The following FRMPD2 variants were observed in gnomAD, a reference collection of about 807,000 sequenced individuals.
FRMPD2 encodes FERM and PDZ domain containing 2.
In FRMPD2, 96 loss-of-function variants were observed where a neutral mutation model predicts 140.1. The ratio of observed to expected loss-of-function variants is 0.69; its 90% CI spans 0.58 to 0.81. FRMPD2 has a LOEUF of 0.81. Among genes scored for constraint, FRMPD2 ranks in the 40% least tolerant of loss-of-function variants. The pLI, the probability that FRMPD2 is intolerant of heterozygous loss-of-function variation, is 0.00. For missense variants in FRMPD2, 1,240 were observed against 1,447.4 expected, an observed-to-expected ratio of 0.86 and a Z score of 2.32; for synonymous variants, 449 against 547.6, an observed-to-expected ratio of 0.82 and a Z score of 2.52.
At chr10:48,231,084 G>C (rs866400687) in intron 10 of FRMPD2, among the ~76,000 whole-genome samples, 3 of 152,186 alleles carry the variant, frequency 2.0e-5, no homozygotes, top group Non-Finnish European at 4.4e-5. Context: ...TTCAACGTGA[G>C]AGTAGAACAA....
At chr10:48,232,049 A>G in intron 10 of FRMPD2, 66 bp downstream of exon 10, 1 of 1,431,472 alleles carries the variant, frequency 7.0e-7, no homozygotes, top group Non-Finnish European at 9.9e-7. Flanking sequence ...AACAGAGCTC[A>G]GGTACCCAGA....
chr10:48,220,092 T>C (rs1215585245), intron 12 of FRMPD2, among the ~76,000 whole-genome samples: 3 of 152,192 alleles, frequency 2.0e-5, no homozygotes, highest in African/African-American at 4.8e-5. Flanking sequence ...GCCAGGTACA[T>C]AGTGATCTTT....
intron 1 of FRMPD2, among the ~76,000 whole-genome samples, chr10:48,260,243 T>C (rs1840561592): frequency 6.6e-6 from 1 of 152,026 alleles, no homozygotes; most frequent in Non-Finnish European, 1.5e-5. Flanking sequence ...ATAGATATCT[T>C]ATATATTATA....
intron 13 of FRMPD2, among the ~76,000 whole-genome samples, chr10:48,210,097 A>G (rs995583390): frequency 6.6e-6 from 1 of 152,228 alleles, no homozygotes; most frequent in Non-Finnish European, 1.5e-5. Context: ...CGGCAGAATT[A>G]TGAGGAAATG....
rs185971085 is a variant in FRMPD2 at position 48,223,998 on chromosome 10, C to T, written c.1169-728G>A. On this transcript the variant is annotated intron_variant, in intron 10 of 28. Coordinates refer to ENST00000374201, the MANE Select transcript of FRMPD2 (RefSeq NM_001018071.4). The stretch of plus-strand genomic sequence containing the variant: ...TGAGAAAGAAGGGTCTATTTTTGAG[C>T]CATCCCCTCTGTGGTATTTTGTTAG... 3.4e-4 allele frequency among the ~76,000 whole-genome samples: 52 copies of T among 152,340 alleles called. 1 individual carries two copies. In the East Asian group the frequency reaches 8.1e-3, roughly 24 times the overall value.
chr10:48,258,288 GC>G (rs1840523257), intron 1 of FRMPD2, among the ~76,000 whole-genome samples: 1 of 152,224 alleles, frequency 6.6e-6, no homozygotes, highest in Non-Finnish European at 1.5e-5. Flanking sequence ...AGGTGTCAAG[GC>G]TCTTATCTTC....
In FRMPD2 at chr10:48,184,226, C is replaced by A. The variant is rs117038308; in HGVS notation, c.2584+340G>T. On this transcript the variant is annotated intron_variant, in intron 20 of 28. Coordinates refer to ENST00000374201, the MANE Select transcript of FRMPD2 (RefSeq NM_001018071.4). ...ATACAAAATATAGAAATCCTGGAGC[C>A]GACCCTATCAACAAGGACTTTGGGT... 2.0e-5 allele frequency among the ~76,000 whole-genome samples: 3 copies of A among 151,076 alleles called. No individual in the cohort carries two copies. The East Asian group carries it at 5.8e-4, about 29-fold the overall frequency.
Position 48,249,041 on chromosome 10 carries a change from C to A in FRMPD2, c.289G>T (p.Glu97Ter). 6.2e-7 allele frequency: 1 copy of A among 1,611,962 alleles called. No individual in the cohort carries two copies. Among genetic ancestry groups the A allele is most frequent in the South Asian group, 1.1e-5 (1 of 90,834 alleles). The stretch of plus-strand genomic sequence containing the variant: ...CTTACCTGAGATGCATCAGGCTGCT[C>A]ATCCTCACTCTGTCCCTGTAGCAGT... ...PELLQGQSED[E>*]QPDASQMHVY... is the part of the protein sequence containing the mutation. Residue 97 changes from glutamate (E) to a stop codon, truncating the protein, a stop_gained, in exon 3 of 29, where the codon GAG becomes TAG. Coordinates refer to ENST00000374201, the MANE Select transcript of FRMPD2 (RefSeq NM_001018071.4). LOFTEE classifies it high-confidence loss of function.
chr10:48,240,558 G>A, intron 5 of FRMPD2, 66 bp from the exon 6 acceptor site: 2 of 1,592,692 alleles, frequency 1.3e-6, no homozygotes, highest in Non-Finnish European at 8.6e-7. Flanking sequence ...ATAGATACAT[G>A]CAAACTGGCT....
Position 48,201,256 on chromosome 10 carries a change from G to C in FRMPD2, c.1926C>G (p.Gly642=), listed in dbSNP as rs1263854618. ...SAQHGFNAQM[G]SGQPSHVLFD... ...ATAAAACATGGGAAGGCTGCCCAGAGCCCATCTGTGCATTAAACCCATGCT... is the reference window on the plus strand; with the variant it reads ...ATAAAACATGGGAAGGCTGCCCAGACCCCATCTGTGCATTAAACCCATGCT... The change falls in exon 15 of 29, where the codon GGC becomes GGG. Residue 642 remains glycine (G), a synonymous_variant. Transcript: ENST00000374201. The C allele has an allele frequency of 2.5e-6, 4 of 1,612,104 alleles. No individual in the cohort carries two copies. The Admixed American group carries it at 6.7e-5, about 27-fold the overall frequency.
intron 3 of FRMPD2, among the ~76,000 whole-genome samples, chr10:48,247,265 C>T (rs745796465): frequency 2.0e-4 from 30 of 152,200 alleles, no homozygotes; most frequent in Non-Finnish European, 3.4e-4. Context: ...AACCTGCAAT[C>T]AGGAGGGTGA....
At chr10:48,244,311 A>C (rs1411634275) in intron 4 of FRMPD2, among the ~76,000 whole-genome samples, 6 of 152,234 alleles carry the variant, frequency 3.9e-5, no homozygotes, top group African/African-American at 1.4e-4. Context: ...TCTAAGCTTT[A>C]AGCCTTCTTG....
intron 3 of FRMPD2, among the ~76,000 whole-genome samples, chr10:48,245,553 A>G (rs1840227549): frequency 6.6e-6 from 1 of 152,202 alleles, no homozygotes; most frequent in South Asian, 2.1e-4. Flanking sequence ...AGTCAAAAGT[A>G]CCCGAAGGTG....
At chr10:48,186,012 G>A (rs1838676640) in intron 17 of FRMPD2, among the ~76,000 whole-genome samples, 1 of 152,232 alleles carries the variant, frequency 6.6e-6, no homozygotes, top group Non-Finnish European at 1.5e-5. Flanking sequence ...ATTGCTGAGA[G>A]TCAAAACAAA....
chr10:48,187,221 G>A lies in FRMPD2; in HGVS notation c.2237C>T (p.Ser746Phe), dbSNP rs769581629. Residue 746 changes from serine (S) to phenylalanine (F), a missense_variant, in exon 17 of 29, where the codon TCT (serine) becomes TTT (phenylalanine). By Grantham distance (155) the Ser-to-Phe change is radical. This residue lies in a region of FRMPD2 where 1,161 missense variants were observed against 1,055.9 expected (regional missense o/e 1.10). Transcript: ENST00000374201. ...ATGCATGCTCTGAACAGGTGGTCCA[G>A]AGAGAGAGTCCCAGGTCATTGGCTT... is the stretch of plus-strand genomic sequence containing the variant. Reference protein sequence around the residue: ...IQKPMTWDSLSGPPVQSMHAG... With the variant: ...IQKPMTWDSLFGPPVQSMHAG... The A allele has an allele frequency of 1.2e-6, 2 of 1,613,706 alleles. No homozygotes were observed. Among genetic ancestry groups the A allele is most frequent in the Non-Finnish European group, 1.7e-6 (2 of 1,179,660 alleles).
At chr10:48,203,344 A>G (rs1414860733) in intron 14 of FRMPD2, among the ~76,000 whole-genome samples, 1 of 152,192 alleles carries the variant, frequency 6.6e-6, no homozygotes, top group Admixed American at 6.5e-5. Flanking sequence ...CCATCATTTA[A>G]TGGAAAATTC....
At position 48,210,640 on chromosome 10, in the gene FRMPD2, G is replaced by T. The variant is rs80122419; in HGVS notation, c.1611+1314C>A. 2.3e-4 allele frequency among the ~76,000 whole-genome samples: 35 copies of T among 152,294 alleles called. No individual in the cohort carries two copies. The East Asian group carries it at 6.8e-3, about 29-fold the overall frequency. The stretch of plus-strand genomic sequence containing the variant: ...TGGTCCCTCATCAAGGGAATGCTTC[G>T]TCCCCTTGACAGGGAACACGTGTGC... On this transcript the variant is annotated intron_variant, in intron 13 of 28. Transcript: ENST00000374201.
At chr10:48,268,803 G>A (rs935689561) in intron 1 of FRMPD2, among the ~76,000 whole-genome samples, 2 of 152,164 alleles carry the variant, frequency 1.3e-5, no homozygotes, top group African/African-American at 4.8e-5. Context: ...GTATTACAAT[G>A]GCATAGTACT....
intron 16 of FRMPD2, among the ~76,000 whole-genome samples, chr10:48,189,951 C>T (rs1011756814): frequency 6.6e-6 from 1 of 152,130 alleles, no homozygotes; most frequent in Non-Finnish European, 1.5e-5. Context: ...ATGACTATTA[C>T]TACCACTGGA....
Sources: allele counts gnomAD v4.1 joint callset (sites outside exome capture counted in the v4.1 genomes callset), GRCh38; gene constraint gnomAD v4.1.1; regional missense constraint gnomAD v4.1.1; transcripts MANE v1.5; gene names NCBI Gene and HGNC (gene_info 2026-07-23, HGNC 2026-07-21).